The following MYO10 variants were observed in gnomAD, a reference collection of about 807,000 sequenced individuals.
MYO10 encodes myosin X.
A neutral mutation model predicts 257.3 loss-of-function variants in MYO10; 133 were observed. The ratio of observed to expected loss-of-function variants is 0.52; its 90% CI spans 0.45 to 0.60. The LOEUF (loss-of-function observed/expected upper bound fraction) is 0.60, where lower values mean the gene tolerates loss of function less well. Among genes scored for constraint, MYO10 ranks in the 20% least tolerant of loss-of-function variants. The probability of loss-of-function intolerance (pLI) is 0.00; values close to 1 mark genes in which losing one functional copy is unlikely to be tolerated. For synonymous variants in MYO10, 1,104 were observed against 1,028.6 expected, an observed-to-expected ratio of 1.07 and a Z score of -1.40; for missense variants, 2,399 against 2,635.7, an observed-to-expected ratio of 0.91 and a Z score of 1.97.
At chr5:16,717,678 A>G (rs1433674446) in intron 19 of MYO10, among the ~76,000 whole-genome samples, 8 of 152,194 alleles carry the variant, frequency 5.3e-5, no homozygotes. Context: ...AGCGGACCAT[A>G]TCCTTACTTC....
In MYO10 at chr5:16,701,667, A is replaced by G. The variant is rs1417815448; in HGVS notation, c.2728T>C (p.Ser910Pro). The G allele has an allele frequency of 6.2e-7, 1 of 1,613,868 alleles. No homozygotes were observed. The highest frequency in any genetic ancestry group is 1.1e-5 in the South Asian group (1 of 91,058). Residue 910 changes from serine to proline, a missense_variant, in exon 25 of 41, where the codon TCG (serine) becomes CCG (proline). Ser to Pro is a moderately conservative substitution (Grantham distance 74). Around this residue, in one of 3 missense-constraint regions of MYO10, gnomAD observed 1,820 missense variants for 1,939.4 expected, o/e 0.94. Transcript: ENST00000513610. This position sits in a 1 kb window ranked among gnomAD's most constrained non-coding sequence, Gnocchi z 8.1. ...LQRMKEQQEL[S>P]LTEASLQKLQ... ...TTCTGCAGGGAAGCCTCGGTCAGCG[A>G]CAGCTCCTGCTGCTCCTTCATGCGC...
At chr5:16,848,589 G>C (rs10213824) in intron 2 of MYO10, among the ~76,000 whole-genome samples, 2 of 151,868 alleles carry the variant, frequency 1.3e-5, no homozygotes, top group African/African-American at 4.8e-5. Context: ...CCAACATCAC[G>C]TGGGGTTTGT....
At chr5:16,734,892 G>A (rs1424307823) in intron 19 of MYO10, among the ~76,000 whole-genome samples, 2 of 152,008 alleles carry the variant, frequency 1.3e-5, no homozygotes, top group Non-Finnish European at 2.9e-5. Context: ...CATCAGTGGT[G>A]TCTCCGTCCG....
intron 1 of MYO10, among the ~76,000 whole-genome samples, chr5:16,926,189 CAATTTGGGAGAATTTCA>C (rs1317405600): frequency 2.0e-5 from 3 of 152,038 alleles, no homozygotes; most frequent in African/African-American, 7.2e-5. Flanking sequence ...TCAAAGTTTC[CAATTTGGGAGAATTTCA>C]AATTTTGGAT....
At chr5:16,840,206 G>A (rs1339971500) in intron 2 of MYO10, among the ~76,000 whole-genome samples, 2 of 151,974 alleles carry the variant, frequency 1.3e-5, no homozygotes, top group African/African-American at 4.8e-5. Flanking sequence ...TGAGGTCAGA[G>A]GTTCGAGACC....
chr5:16,851,350 G>T (rs1425518045), intron 2 of MYO10, among the ~76,000 whole-genome samples: 2 of 152,116 alleles, frequency 1.3e-5, no homozygotes, highest in Admixed American at 1.3e-4. Context: ...TTTTATACTG[G>T]AAAGTAAGGT....
At chr5:16,783,261 A>T in intron 5 of MYO10, 74 bp downstream of exon 5, 1 of 1,404,040 alleles carries the variant, frequency 7.1e-7, no homozygotes, top group Non-Finnish European at 9.5e-7. Context: ...AACTAATTTT[A>T]ACTCTTCTTT....
At chr5:16,671,237 G>A (rs1736445043) in intron 38 of MYO10, among the ~76,000 whole-genome samples, 185 bp downstream of exon 38, 3 of 152,170 alleles carry the variant, frequency 2.0e-5, no homozygotes, top group African/African-American at 7.2e-5. Context: ...TGGAACGGAG[G>A]TTCAAATAAA....
chr5:16,694,666 TG>T, intron 26 of MYO10, 52 bp from the exon 27 acceptor site: 1 of 1,602,158 alleles, frequency 6.2e-7, no homozygotes, highest in Non-Finnish European at 8.5e-7. Context: ...TCAGTCAAGT[TG>T]GATGACAACA....
In MYO10 at chr5:16,664,585, G is replaced by A. The variant is rs1407439838; in HGVS notation, c.*2107C>T. 1 of 152,206 alleles carries A rather than the reference G, an allele frequency of 6.6e-6. No homozygotes were observed. The highest frequency in any genetic ancestry group is 1.9e-4 in the East Asian group (1 of 5,184). The allele number at this position is 152,206 out of a possible 1,614,324, so 9.4% of individuals were successfully genotyped here. A position where few individuals can be genotyped will look rare whatever the true frequency, so the allele number is the denominator to read the frequency against. On this transcript the variant is annotated 3_prime_UTR_variant, in exon 41 of 41. Transcript: ENST00000513610. ...GGAGTCAGTGGTCTGCAAGAGAAGT[G>A]GCGCTTGCTCATGCTAGACGCCTGG...
intron 9 of MYO10, among the ~76,000 whole-genome samples, chr5:16,774,964 G>A (rs1353758493): frequency 6.8e-6 from 1 of 146,596 alleles, no homozygotes; most frequent in African/African-American, 2.5e-5. Context: ...AGGTCCATAT[G>A]GTCAGGAAAC....
chr5:16,694,229 G>T, intron 27 of MYO10, 142 bp downstream of exon 27: 2 of 1,278,254 alleles, frequency 1.6e-6, no homozygotes, highest in Non-Finnish European at 1.1e-6. Flanking sequence ...CAGTTTCCTA[G>T]TAATTTAACC....
intron 1 of MYO10, chr5:16,902,525 G>T: frequency 6.3e-7 from 1 of 1,580,736 alleles, no homozygotes; most frequent in Admixed American, 1.7e-5. Context: ...TTCGAATGAC[G>T]AATTTCTTGA....
chr5:16,738,437 T>C, intron 19 of MYO10: 1 of 983,782 alleles, frequency 1.0e-6, no homozygotes, highest in Non-Finnish European at 1.2e-6. Flanking sequence ...AGACTCTTTT[T>C]GGAAATGTTT....
intron 21 of MYO10, among the ~76,000 whole-genome samples, chr5:16,706,970 C>G (rs1738374326): frequency 6.6e-6 from 1 of 152,162 alleles, no homozygotes; most frequent in Admixed American, 6.5e-5. Context: ...TGAATTGTAG[C>G]TCCCATAATT....
Position 16,702,571 on chromosome 5 carries a change from C to G in MYO10, c.2528G>C (p.Arg843Pro). Reference protein sequence around the residue: ...EEEERERERERREAELRAQQE... With the variant: ...EEEEREREREPREAELRAQQE... ...CTGGGCGCGGAGCTCGGCTTCTCTT[C>G]GCTCTCTCTCTCTTTCTCTAAAAAT... The change falls in exon 24 of 41, where the codon CGA (arginine) becomes CCA (proline). Residue 843 changes from arginine to proline, a missense_variant. Around this residue, in one of 3 missense-constraint regions of MYO10, gnomAD observed 1,820 missense variants for 1,939.4 expected, o/e 0.94. Transcript: ENST00000513610. The G allele has an allele frequency of 6.3e-7, 1 of 1,587,958 alleles. No individual in the cohort carries two copies. Among genetic ancestry groups the G allele is most frequent in the South Asian group, 1.2e-5 (1 of 86,570 alleles).
At chr5:16,752,579 C>A (rs1391991122) in intron 19 of MYO10, among the ~76,000 whole-genome samples, 1 of 152,216 alleles carries the variant, frequency 6.6e-6, no homozygotes, top group African/African-American at 2.4e-5. Flanking sequence ...AGCCACCACG[C>A]CTAGCCAAAC....
At chr5:16,717,508 G>A (rs547507625) in intron 19 of MYO10, among the ~76,000 whole-genome samples, 1 of 152,274 alleles carries the variant, frequency 6.6e-6, no homozygotes, top group South Asian at 2.1e-4. Flanking sequence ...AATTTTAAGG[G>A]CCACGACCAC....
chr5:16,886,589 A>G (rs561315443), intron 1 of MYO10, among the ~76,000 whole-genome samples: 4 of 152,228 alleles, frequency 2.6e-5, no homozygotes, highest in African/African-American at 9.6e-5. Flanking sequence ...CTACATCATC[A>G]TCGTCATCAT....
Sources: gnomAD v4.1 joint callset for allele counts (sites outside exome capture counted in the v4.1 genomes callset) on GRCh38, gnomAD v4.1.1 for gene constraint, gnomAD v4.1.1 regional missense constraint, Gnocchi (gnomAD v3.1) non-coding constraint, MANE v1.5 for transcripts, NCBI Gene and HGNC (gene_info 2026-07-23, HGNC 2026-07-21) for gene names.